The following ST18 variants were observed in gnomAD, a reference collection of about 807,000 sequenced individuals.
ST18 encodes the protein suppression of tumorigenicity 18 protein.
A neutral mutation model predicts 110.0 loss-of-function variants in ST18; 50 were observed. That is an observed-to-expected ratio of 0.45 (90% CI 0.36 to 0.58). The LOEUF is 0.58. ST18 is among the 20% of genes least tolerant of loss of function. The probability of loss-of-function intolerance (pLI) is 0.00; values close to 1 mark genes in which losing one functional copy is unlikely to be tolerated. For synonymous variants in ST18, 461 were observed against 452.4 expected, an observed-to-expected ratio of 1.02 and a Z score of -0.24; for missense variants, 1,306 against 1,280.1, an observed-to-expected ratio of 1.02 and a Z score of -0.31.
intron 16 of ST18, among the ~76,000 whole-genome samples, chr8:52,144,520 T>G (rs2056525309): frequency 6.6e-6 from 1 of 152,112 alleles, no homozygotes; most frequent in African/African-American, 2.4e-5. Flanking sequence ...TGGCTAACAA[T>G]TCAATCAATT....
intron 2 of ST18, among the ~76,000 whole-genome samples, chr8:52,290,655 C>T (rs1028627073): frequency 4.6e-5 from 7 of 152,034 alleles, no homozygotes; most frequent in South Asian, 4.1e-4. Context: ...GAGGTGTGGA[C>T]GACCCTTCTG....
At chr8:52,304,518 A>G (rs917263529) in intron 2 of ST18, among the ~76,000 whole-genome samples, 2 of 152,248 alleles carry the variant, frequency 1.3e-5, no homozygotes, top group African/African-American at 2.4e-5. Context: ...ATTATCTTAT[A>G]TAACTTAAGA....
intron 2 of ST18, among the ~76,000 whole-genome samples, chr8:52,390,615 C>T (rs147618623): frequency 2.6e-5 from 4 of 152,292 alleles, no homozygotes; most frequent in Non-Finnish European, 4.4e-5. Flanking sequence ...TTTTGAGGGA[C>T]GGTGACCTGG....
At position 52,381,873 on chromosome 8, in the gene ST18, C is replaced by A. The variant is rs549099673; in HGVS notation, c.-465+27455G>T. Among the ~76,000 whole-genome samples, 7 of 151,858 alleles carry A rather than the reference C, an allele frequency of 4.6e-5. No homozygotes were observed. In the East Asian group the frequency reaches 1.4e-3, roughly 29 times the overall value. On this transcript the variant is annotated intron_variant, in intron 2 of 25. Coordinates refer to ENST00000689386, the MANE Select transcript of ST18 (RefSeq NM_001352837.2). ...AGCACATTACAAACAATGCACAATGCTCACTAATCTTGCTTTTTTGTGAAC... is the reference window on the plus strand; with the variant it reads ...AGCACATTACAAACAATGCACAATGATCACTAATCTTGCTTTTTTGTGAAC...
chr8:52,396,282 C>T (rs1342825104), intron 2 of ST18, among the ~76,000 whole-genome samples: 1 of 152,090 alleles, frequency 6.6e-6, no homozygotes, highest in Non-Finnish European at 1.5e-5. Context: ...CTACATCTCC[C>T]CATTTCCTCC....
chr8:52,270,505 C>T (rs954483480), intron 2 of ST18, among the ~76,000 whole-genome samples: 2 of 152,148 alleles, frequency 1.3e-5, no homozygotes, highest in Non-Finnish European at 2.9e-5. Context: ...CTGAAGTCCC[C>T]ATGCCATGCT....
At chr8:52,186,736 G>A (rs2072424308) in intron 8 of ST18, among the ~76,000 whole-genome samples, 1 of 152,218 alleles carries the variant, frequency 6.6e-6, no homozygotes. Flanking sequence ...AAAGGCAATT[G>A]TTGCTACAAA....
intron 2 of ST18, among the ~76,000 whole-genome samples, chr8:52,269,850 G>T (rs2095012600): frequency 6.6e-6 from 1 of 152,214 alleles, no homozygotes; most frequent in South Asian, 2.1e-4. Context: ...AGAATGTAAT[G>T]TCTTTTATTC....
intron 2 of ST18, among the ~76,000 whole-genome samples, chr8:52,342,758 C>T (rs1232692210): frequency 6.6e-6 from 1 of 152,102 alleles, no homozygotes; most frequent in Admixed American, 6.5e-5. Context: ...GCACTAGAAC[C>T]CAGGACTCTG....
intron 2 of ST18, among the ~76,000 whole-genome samples, chr8:52,282,749 G>A (rs1330045346): frequency 2.6e-5 from 4 of 152,108 alleles, no homozygotes; most frequent in Non-Finnish European, 5.9e-5. Context: ...GTGAGTCATC[G>A]GGAAGGGTGA....
At position 52,116,125 on chromosome 8, in the gene ST18, T is replaced by C. The variant is rs531146021; in HGVS notation, c.3003+150A>G. On this transcript the variant is annotated intron_variant, in intron 25 of 25. Transcript: ENST00000689386. ...TCTACCATGTTCCCAGAGAGGGAGA[T>C]TACTCCAAGCCAGACTGTGATGAAG... 1.7e-4 allele frequency: 129 copies of C among 769,058 alleles called. No individual in the cohort carries two copies. The African/African-American group carries it at 2.2e-3, about 13-fold the overall frequency. The allele number at this position is 769,058 out of a possible 1,614,324, so 47.6% of individuals were successfully genotyped here. A position where few individuals can be genotyped will look rare whatever the true frequency, so the allele number is the denominator to read the frequency against.
rs534372225 is a variant in ST18, at chr8:52,113,051, C to A, written c.*147G>T. Reference sequence around the variant, plus strand: ...CATAGTTTTTCTTTCCTTTTTATATCAGCTGGGGAAAATAAAATTAGTGCA... The same window carrying A: ...CATAGTTTTTCTTTCCTTTTTATATAAGCTGGGGAAAATAAAATTAGTGCA... On this transcript the variant is annotated 3_prime_UTR_variant, in exon 26 of 26. Coordinates refer to ENST00000689386, the MANE Select transcript of ST18 (RefSeq NM_001352837.2). 4.3e-5 allele frequency: 36 copies of A among 842,626 alleles called. No homozygotes were observed. In the South Asian group the frequency reaches 1.2e-3, roughly 28 times the overall value. The allele number at this position is 842,626 out of a possible 1,614,324, so 52.2% of individuals were successfully genotyped here.
At chr8:52,268,418 G>A (rs1240252901) in intron 2 of ST18, among the ~76,000 whole-genome samples, 2 of 152,186 alleles carry the variant, frequency 1.3e-5, no homozygotes, top group Admixed American at 1.3e-4. Context: ...GGTGGGGACA[G>A]AGAAGCAGAG....
intron 2 of ST18, among the ~76,000 whole-genome samples, chr8:52,370,635 A>G (rs1275130529): frequency 6.6e-6 from 1 of 152,174 alleles, no homozygotes; most frequent in Non-Finnish European, 1.5e-5. Context: ...TATTGAAATA[A>G]TCACACTGCT....
At chr8:52,370,030 G>A (rs1425467593) in intron 2 of ST18, among the ~76,000 whole-genome samples, 5 of 152,180 alleles carry the variant, frequency 3.3e-5, no homozygotes, top group Admixed American at 6.5e-5. Flanking sequence ...GTGGTCACCC[G>A]CTCCTCACAG....
intron 2 of ST18, among the ~76,000 whole-genome samples, chr8:52,394,446 A>C (rs188139235): frequency 2.0e-5 from 3 of 152,356 alleles, no homozygotes; most frequent in African/African-American, 4.8e-5. Flanking sequence ...AATCTTCCTT[A>C]GTCCTCCTTG....
chr8:52,125,939 T>G, intron 23 of ST18, 113 bp downstream of exon 23: 1 of 831,520 alleles, frequency 1.2e-6, no homozygotes, highest in East Asian at 2.6e-5. Context: ...CCTTTCTTCT[T>G]GTACATTAAA....
intron 2 of ST18, among the ~76,000 whole-genome samples, chr8:52,334,596 G>T (rs1373180554): frequency 6.6e-6 from 1 of 152,116 alleles, no homozygotes; most frequent in Non-Finnish European, 1.5e-5. Flanking sequence ...TCATTTTAAG[G>T]ATCTGATAAA....
intron 24 of ST18, among the ~76,000 whole-genome samples, chr8:52,117,744 C>T (rs769052562): frequency 1.3e-5 from 2 of 152,190 alleles, no homozygotes; most frequent in Non-Finnish European, 2.9e-5. Flanking sequence ...CAGTCGTATG[C>T]TCTGTCTCAT....
Sources: allele counts gnomAD v4.1 joint callset (sites outside exome capture counted in the v4.1 genomes callset), GRCh38; gene constraint gnomAD v4.1.1; transcripts MANE v1.5; gene names NCBI Gene and HGNC (gene_info 2026-07-23, HGNC 2026-07-21).